ALPK2: variants seen among roughly 807,000 people sequenced by gnomAD.
ALPK2 encodes the protein alpha kinase 2, also known as alpha-protein kinase 2.
Under a neutral mutation model 163.1 loss-of-function variants are expected in ALPK2, and 127 were observed. That is an observed-to-expected ratio of 0.78 (90% confidence interval 0.67 to 0.90). The LOEUF is 0.90. Ranked by LOEUF, ALPK2 falls within the 40% of genes least tolerant of loss-of-function variation. The pLI is 0.00. For synonymous variants in ALPK2, 953 were observed against 959.1 expected (o/e 0.99, Z 0.12); for missense variants, 2,360 against 2,589.6 (o/e 0.91, Z 1.92).
intron 1 of ALPK2, among the ~76,000 whole-genome samples, chr18:58,616,093 G>A (rs2052166375): frequency 6.6e-6 from 1 of 152,226 alleles, no homozygotes; most frequent in Non-Finnish European, 1.5e-5. Context: ...TGGTATTAGT[G>A]GAGGAGTTTG....
intron 4 of ALPK2, among the ~76,000 whole-genome samples, chr18:58,539,402 A>T (rs1054187088): frequency 1.3e-5 from 2 of 152,196 alleles, no homozygotes; most frequent in Non-Finnish European, 2.9e-5. Flanking sequence ...CTGAGGATTG[A>T]GCCTTTCATG....
Position 58,516,891 on chromosome 18 carries a change from T to C in ALPK2, c.5940+17A>G, listed in dbSNP as rs759643576. ...TTCTCACACCAGAAGTGACAGCCTTTGGGCAGATGGACCCACCTGGGCAGC... is the reference window on the plus strand; with the variant it reads ...TTCTCACACCAGAAGTGACAGCCTTCGGGCAGATGGACCCACCTGGGCAGC... On this transcript the variant is annotated intron_variant, in intron 9 of 12. Coordinates refer to ENST00000361673, the MANE Select transcript of ALPK2 (RefSeq NM_052947.4). The C allele has an allele frequency of 1.9e-6, 3 of 1,609,094 alleles. No homozygotes were observed. The highest frequency in any genetic ancestry group is 1.7e-6 in the Non-Finnish European group (2 of 1,175,944).
intron 10 of ALPK2, among the ~76,000 whole-genome samples, chr18:58,514,050 C>T (rs900553901): frequency 5.9e-5 from 9 of 152,042 alleles, no homozygotes; most frequent in African/African-American, 1.9e-4. Flanking sequence ...CTGGGAAGAG[C>T]GGGGCTTGGG....
chr18:58,574,363 C>T (rs750534745), intron 4 of ALPK2, among the ~76,000 whole-genome samples: 5 of 148,738 alleles, frequency 3.4e-5, no homozygotes, highest in Admixed American at 1.3e-4. Context: ...GCAGGAGAAC[C>T]GCTTGAACCC....
Position 58,574,240 on chromosome 18 carries a change from C to T in ALPK2, c.1962+4574G>A, listed in dbSNP as rs531783375. On this transcript the variant is annotated intron_variant, in intron 4 of 12. Coordinates refer to ENST00000361673, the MANE Select transcript of ALPK2 (RefSeq NM_052947.4). ...GGGGCGGATCACAAGGTCAGGAGTT[C>T]GAGACCAGCCTGACCAACATGGTGA... Among the ~76,000 whole-genome samples, 6 of 150,688 alleles carry T rather than the reference C, an allele frequency of 4.0e-5. No homozygotes were observed. The South Asian group carries it at 1.1e-3, about 27-fold the overall frequency.
At chr18:58,545,028 C>T (rs2051710208) in intron 4 of ALPK2, 1 of 152,210 alleles carries the variant, frequency 6.6e-6, no homozygotes, top group African/African-American at 2.4e-5. Flanking sequence ...CCTATCCCCT[C>T]CTTCTTCCTT....
intron 3 of ALPK2, among the ~76,000 whole-genome samples, chr18:58,604,231 G>A (rs1483827381): frequency 6.6e-6 from 1 of 152,188 alleles, no homozygotes; most frequent in Admixed American, 6.5e-5. Context: ...GTGAAGAAAA[G>A]TACTTTTCTT....
In ALPK2 at chr18:58,579,360, G is replaced by T. The variant is rs1307532946; in HGVS notation, c.1416C>A (p.Ser472Arg). 6.2e-7 allele frequency: 1 copy of T among 1,614,128 alleles called. No individual in the cohort carries two copies. The highest frequency in any genetic ancestry group is 8.5e-7 in the Non-Finnish European group (1 of 1,180,018). Reference protein sequence around the residue: ...YPGIQGETRDSHQAREEFASD... With the variant: ...YPGIQGETRDRHQAREEFASD... Reference sequence around the variant, plus strand: ...TGGCAAATTCCTCTCTTGCTTGGTGGCTGTCTCTGGTTTCTCCTTGAATTC... The same window carrying T: ...TGGCAAATTCCTCTCTTGCTTGGTGTCTGTCTCTGGTTTCTCCTTGAATTC... Residue 472 changes from serine to arginine, a missense_variant, in exon 4 of 13, where the codon AGC (serine) becomes AGA (arginine). Transcript: ENST00000361673.
At chr18:58,485,055 G>A (rs1039491750) in intron 12 of ALPK2, among the ~76,000 whole-genome samples, 3 of 152,178 alleles carry the variant, frequency 2.0e-5, no homozygotes, top group African/African-American at 4.8e-5. Context: ...TGTTCAAAAA[G>A]TAGTAAGAAT....
At chr18:58,608,526 A>G (rs1479607055) in intron 2 of ALPK2, among the ~76,000 whole-genome samples, 2 of 152,218 alleles carry the variant, frequency 1.3e-5, no homozygotes, top group African/African-American at 2.4e-5. Context: ...TGCCATATGC[A>G]CAGGAAGGAA....
chr18:58,536,697 G>T lies in ALPK2; in HGVS notation c.3490C>A (p.Gln1164Lys). The change falls in exon 5 of 13, where the codon CAA (glutamine) becomes AAA (lysine). Residue 1164 changes from glutamine (Q) to lysine (K), a missense_variant. Coordinates refer to ENST00000361673, the MANE Select transcript of ALPK2 (RefSeq NM_052947.4). ...QQSLPTTSAA[Q>K]EERNLVPTAH... ...GTGGGCACCAAGTTTCTTTCCTCTT[G>T]TGCAGCAGATGTCGTAGGCAAACTT... The T allele has an allele frequency of 6.2e-7, 1 of 1,614,142 alleles. No homozygotes were observed. Among genetic ancestry groups the T allele is most frequent in the Non-Finnish European group, 8.5e-7 (1 of 1,180,026 alleles).
intron 1 of ALPK2, among the ~76,000 whole-genome samples, chr18:58,614,308 CTA>C: frequency 6.6e-6 from 1 of 152,168 alleles, no homozygotes. Flanking sequence ...TTTTCAGAAA[CTA>C]TGCATTGTGA....
At chr18:58,592,653 CTA>C (rs2052020190) in intron 3 of ALPK2, among the ~76,000 whole-genome samples, 1 of 152,110 alleles carries the variant, frequency 6.6e-6, no homozygotes, top group African/African-American at 2.4e-5. Context: ...TCCAGGGGCA[CTA>C]TGTGTGTGTG....
At chr18:58,499,864 A>G (rs72950953) in intron 11 of ALPK2, among the ~76,000 whole-genome samples, 17,082 of 152,310 alleles carry the variant, frequency 0.11, 1,187 homozygotes, top group East Asian at 0.38. Context: ...ATCCCCCTAA[A>G]GCCAGCCATG....
rs778147413 is a variant in ALPK2 at position 58,580,242 on chromosome 18, G to A, written c.534C>T (p.Gly178=). 54 of 1,614,100 alleles carry A rather than the reference G, an allele frequency of 3.3e-5. No homozygotes were observed. Among genetic ancestry groups the A allele is most frequent in the Admixed American group, 8.3e-5 (5 of 60,006 alleles). The change falls in exon 4 of 13, where the codon GGC becomes GGT. Residue 178 remains glycine, a synonymous_variant. Coordinates refer to ENST00000361673, the MANE Select transcript of ALPK2 (RefSeq NM_052947.4). ...AACTGGACACACTAATGTCAAGATTGCCCAATGACTGGAGGGAGAGTGAAT... is the reference window on the plus strand; with the variant it reads ...AACTGGACACACTAATGTCAAGATTACCCAATGACTGGAGGGAGAGTGAAT... ...SNHSLSLQSL[G]NLDISVSSSE...
intron 3 of ALPK2, among the ~76,000 whole-genome samples, chr18:58,587,985 A>G (rs1296562064): frequency 1.3e-5 from 2 of 152,232 alleles, no homozygotes; most frequent in African/African-American, 2.4e-5. Context: ...AGGCTGAATA[A>G]CCATCATTTG....
At chr18:58,626,257 G>A (rs577231426) in intron 1 of ALPK2, among the ~76,000 whole-genome samples, 20 of 152,192 alleles carry the variant, frequency 1.3e-4, no homozygotes, top group African/African-American at 2.4e-4. Context: ...TGTGAATCTC[G>A]TCTGCTCCCT....
At position 58,601,241 on chromosome 18, in the gene ALPK2, G is replaced by T. The variant is rs572177698; in HGVS notation, c.227+6081C>A. 2.6e-5 allele frequency among the ~76,000 whole-genome samples: 4 copies of T among 152,006 alleles called. No homozygotes were observed. The East Asian group carries it at 7.7e-4, about 29-fold the overall frequency. Reference sequence around the variant, plus strand: ...ACTGCACTCCAGCCTGGGCAACAGTGCAAGACTCCATCTCAAAAAAAAAAG... The same window carrying T: ...ACTGCACTCCAGCCTGGGCAACAGTTCAAGACTCCATCTCAAAAAAAAAAG... On this transcript the variant is annotated intron_variant, in intron 3 of 12. Coordinates refer to ENST00000361673, the MANE Select transcript of ALPK2 (RefSeq NM_052947.4).
At chr18:58,616,770 C>A (rs528904644) in intron 1 of ALPK2, among the ~76,000 whole-genome samples, 5 of 152,190 alleles carry the variant, frequency 3.3e-5, no homozygotes, top group Non-Finnish European at 7.3e-5. Context: ...TTGTAATAAA[C>A]CAGTAAATGT....
Sources: gnomAD v4.1 joint callset for allele counts (sites outside exome capture counted in the v4.1 genomes callset) on GRCh38, gnomAD v4.1.1 for gene constraint, MANE v1.5 for transcripts, NCBI Gene and HGNC (gene_info 2026-07-23, HGNC 2026-07-21) for gene names.